The following AGBL4 variants were observed in gnomAD, a reference collection of about 807,000 sequenced individuals.
AGBL4 encodes the protein cytosolic carboxypeptidase 6.
Under a neutral mutation model 66.4 loss-of-function variants are expected in AGBL4, and 58 were observed. That is an observed-to-expected ratio of 0.87 (90% CI 0.71 to 1.09). AGBL4 has a LOEUF of 1.09. AGBL4 is among the 50% of genes least tolerant of loss of function. AGBL4 has a pLI of 0.00. For synonymous variants in AGBL4, 234 were observed against 222.9 expected, an observed-to-expected ratio of 1.05 and a Z score of -0.44; for missense variants, 579 against 631.0, an observed-to-expected ratio of 0.92 and a Z score of 0.88.
chr1:48,926,850 T>G (rs1481895897), intron 5 of AGBL4, among the ~76,000 whole-genome samples: 1 of 152,006 alleles, frequency 6.6e-6, no homozygotes, highest in Non-Finnish European at 1.5e-5. Context: ...GAAATACAAG[T>G]GTTAGTAGCA....
At chr1:49,405,671 A>T (rs1645180715) in intron 3 of AGBL4, among the ~76,000 whole-genome samples, 2 of 152,198 alleles carry the variant, frequency 1.3e-5, no homozygotes, top group South Asian at 4.1e-4. Flanking sequence ...TAGAGACACA[A>T]GGAGATTCTC....
At chr1:49,764,052 C>T (rs1210411013) in intron 2 of AGBL4, among the ~76,000 whole-genome samples, 4 of 152,048 alleles carry the variant, frequency 2.6e-5, no homozygotes, top group Non-Finnish European at 5.9e-5. Context: ...CCATACTTCA[C>T]GCTGCGCAAC....
At chr1:49,380,913 A>G (rs576847300) in intron 3 of AGBL4, among the ~76,000 whole-genome samples, 1 of 152,344 alleles carries the variant, frequency 6.6e-6, no homozygotes, top group African/African-American at 2.4e-5. Context: ...CCTAGGCATT[A>G]CCATTCAGGA....
intron 10 of AGBL4, among the ~76,000 whole-genome samples, chr1:48,589,041 C>T (rs1329519055): frequency 6.6e-6 from 1 of 152,136 alleles, no homozygotes; most frequent in East Asian, 1.9e-4. Flanking sequence ...CCCAGCCTTC[C>T]AGGGAACTTG....
At chr1:48,811,306 A>T (rs1379205794) in intron 6 of AGBL4, among the ~76,000 whole-genome samples, 1 of 152,200 alleles carries the variant, frequency 6.6e-6, no homozygotes, top group Non-Finnish European at 1.5e-5. Context: ...TACATAGTTT[A>T]TCTGGGACAG....
chr1:49,563,280 C>A (rs1337964957), intron 3 of AGBL4, among the ~76,000 whole-genome samples: 2 of 151,992 alleles, frequency 1.3e-5, no homozygotes, highest in Non-Finnish European at 2.9e-5. Context: ...TTCCTCTTTT[C>A]CTAATTGAAT....
At position 48,776,630 on chromosome 1, in the gene AGBL4, T is replaced by C. The variant is rs750611570; in HGVS notation, c.634+90561A>G. 4.3e-3 allele frequency: 6,295 copies of C among 1,474,846 alleles called. 15 individuals are homozygous for C. Among genetic ancestry groups the C allele is most frequent in the Non-Finnish European group, 5.1e-3 (5,690 of 1,117,660 alleles). 91.4% of individuals were successfully genotyped at this position (1,474,846 alleles called of 1,614,324 possible). A position where few individuals can be genotyped will look rare whatever the true frequency, so the allele number is the denominator to read the frequency against. On this transcript the variant is annotated intron_variant, in intron 6 of 13. Transcript: ENST00000371839. Reference sequence around the variant, plus strand: ...CCTGCCAGCGCCAGGATCTGGGCCTTGTGGAGCAACAGCGCGCCCCAGTCG... The same window carrying C: ...CCTGCCAGCGCCAGGATCTGGGCCTCGTGGAGCAACAGCGCGCCCCAGTCG...
intron 3 of AGBL4, among the ~76,000 whole-genome samples, chr1:49,482,534 A>T: frequency 6.7e-6 from 1 of 150,142 alleles, no homozygotes; most frequent in Non-Finnish European, 1.5e-5. Flanking sequence ...CTTCTTTATT[A>T]GTCTAGCTAG....
chr1:49,831,233 T>C (rs557326681), intron 2 of AGBL4, among the ~76,000 whole-genome samples: 6 of 152,332 alleles, frequency 3.9e-5, no homozygotes, highest in Non-Finnish European at 8.8e-5. Flanking sequence ...ATTCTTCCTA[T>C]CCATGAGCAT....
intron 1 of AGBL4, among the ~76,000 whole-genome samples, chr1:49,867,568 C>T (rs539072531): frequency 6.9e-6 from 1 of 145,948 alleles, no homozygotes; most frequent in South Asian, 2.2e-4. Flanking sequence ...CAATTCCCAC[C>T]TATGAGTGAG....
intron 2 of AGBL4, among the ~76,000 whole-genome samples, chr1:49,754,641 G>A (rs1284601097): frequency 2.0e-5 from 3 of 152,144 alleles, no homozygotes; most frequent in Non-Finnish European, 4.4e-5. Flanking sequence ...CCTGCTGGGA[G>A]GTGTCTCTCA....
intron 5 of AGBL4, among the ~76,000 whole-genome samples, chr1:48,998,860 C>T (rs538985023): frequency 7.4e-4 from 113 of 152,288 alleles, no homozygotes; most frequent in African/African-American, 2.6e-3. Context: ...CTTGAGAAGA[C>T]AGCTGAAGGA....
intron 1 of AGBL4, among the ~76,000 whole-genome samples, chr1:50,012,016 G>C (rs985780026): frequency 6.6e-6 from 1 of 151,980 alleles, no homozygotes; most frequent in Non-Finnish European, 1.5e-5. Flanking sequence ...AAAATTAGCC[G>C]GGCGCGGTGG....
intron 2 of AGBL4, among the ~76,000 whole-genome samples, chr1:49,784,642 C>T (rs1239991849): frequency 2.6e-5 from 4 of 151,826 alleles, no homozygotes; most frequent in African/African-American, 9.7e-5. Context: ...AATTTAAAAA[C>T]GATAAATTTG....
At chr1:49,352,366 C>CT (rs35699154) in intron 3 of AGBL4, among the ~76,000 whole-genome samples, 29,893 of 84,218 alleles carry the variant, frequency 0.35, 5,340 homozygotes, top group Non-Finnish European at 0.45. Flanking sequence ...TGAATTGAAG[C>CT]TTTTTTTTTT....
At chr1:49,215,001 A>G (rs1648972962) in intron 4 of AGBL4, among the ~76,000 whole-genome samples, 2 of 152,132 alleles carry the variant, frequency 1.3e-5, no homozygotes, top group South Asian at 4.1e-4. Context: ...GGGTCATGAA[A>G]CAGTTGTGAT....
intron 4 of AGBL4, among the ~76,000 whole-genome samples, chr1:49,230,459 T>C (rs902121028): frequency 6.6e-6 from 1 of 152,212 alleles, no homozygotes; most frequent in Non-Finnish European, 1.5e-5. Context: ...CCAGAGACAT[T>C]ATCACTGTTG....
intron 5 of AGBL4, among the ~76,000 whole-genome samples, chr1:49,040,752 A>G (rs1204842363): frequency 6.6e-6 from 1 of 152,082 alleles, no homozygotes; most frequent in East Asian, 1.9e-4. Context: ...GTGTCAGCAG[A>G]TCGGCAGTTA....
intron 9 of AGBL4, among the ~76,000 whole-genome samples, chr1:48,630,606 A>G (rs894730828): frequency 6.6e-6 from 1 of 152,190 alleles, no homozygotes; most frequent in Non-Finnish European, 1.5e-5. Context: ...CCACAGCAGC[A>G]AACTCTAATG....
Sources: gnomAD v4.1 joint callset for allele counts (sites outside exome capture counted in the v4.1 genomes callset) on GRCh38, gnomAD v4.1.1 for gene constraint, MANE v1.5 for transcripts, NCBI Gene and HGNC (gene_info 2026-07-23, HGNC 2026-07-21) for gene names.